USP32: variants seen among roughly 807,000 people sequenced by gnomAD.
The protein encoded by USP32 is ubiquitin carboxyl-terminal hydrolase 32.
In USP32, 59 loss-of-function variants were observed where a neutral mutation model predicts 204.8. That is an observed-to-expected ratio of 0.29 (90% CI 0.23 to 0.36). The LOEUF (loss-of-function observed/expected upper bound fraction) is 0.36. USP32 is among the 10% of genes least tolerant of loss of function. The probability of loss-of-function intolerance (pLI) is 1.00; values close to 1 mark genes in which losing one functional copy is unlikely to be tolerated. For missense variants in USP32, 1,160 were observed against 1,946.4 expected (o/e 0.60, Z 7.60); for synonymous variants, 517 against 678.4 (o/e 0.76, Z 3.70).
chr17:60,207,269 A>T (rs1431924602), intron 24 of USP32, 137 bp from the exon 25 acceptor site: 14 of 1,377,960 alleles, frequency 1.0e-5, no homozygotes, highest in South Asian at 4.6e-5. Context: ...TAATTTTTCA[A>T]CTACATAAAG....
intron 13 of USP32, among the ~76,000 whole-genome samples, chr17:60,225,207 C>T (rs150750020): frequency 1.1e-4 from 17 of 152,266 alleles, no homozygotes; most frequent in African/African-American, 3.6e-4. Flanking sequence ...AATCCCAGCA[C>T]TTTGAGAGGC....
At chr17:60,378,765 C>T (rs2089596536) in intron 1 of USP32, among the ~76,000 whole-genome samples, 1 of 151,682 alleles carries the variant, frequency 6.6e-6, no homozygotes, top group African/African-American at 2.4e-5. Flanking sequence ...ATAGAGGTTA[C>T]CAGGGGCTGG....
intron 12 of USP32, 59 bp from the exon 13 acceptor site, chr17:60,226,290 C>T: frequency 7.1e-7 from 1 of 1,400,356 alleles, no homozygotes; most frequent in Non-Finnish European, 9.5e-7. Flanking sequence ...ACTATGTAGT[C>T]TTCAGAAACA....
rs560137771 is a variant in USP32 at position 60,227,912 on chromosome 17, T to A, written c.1240-1681A>T. The stretch of plus-strand genomic sequence containing the variant: ...TGTAAGTTAACTGTATGGCATTACA[T>A]GAGAAAAATGGTGACCATAGTTTAA... On this transcript the variant is annotated intron_variant, in intron 12 of 33. Coordinates refer to ENST00000300896, the MANE Select transcript of USP32 (RefSeq NM_032582.4). Among the ~76,000 whole-genome samples, 3 of 152,228 alleles carry A rather than the reference T, an allele frequency of 2.0e-5. No individual in the cohort carries two copies. The East Asian group carries it at 5.8e-4, about 29-fold the overall frequency.
At position 60,406,812 on chromosome 17, in the gene USP32, CCTTT is replaced by C. The variant is rs199628321; in HGVS notation, c.106+15430_106+15433del. ...TACAGACATGAGCCACTGCGCCTGG[CCTTT>C]CTTTCTTTCTTTCTTTCTTTTTTCA... is the stretch of plus-strand genomic sequence containing the variant. On this transcript the variant is annotated intron_variant, in intron 1 of 3. Transcript: ENST00000588898. 7.8e-4 allele frequency among the ~76,000 whole-genome samples: 119 copies of C among 152,038 alleles called. 1 individual carries two copies. Among genetic ancestry groups the C allele is most frequent in the African/African-American group, 1.6e-3 (67 of 41,370 alleles).
rs1353879937 is a variant in USP32, at chr17:60,190,653, C to T, written c.3552G>A (p.Gly1184=). The change falls in exon 29 of 34, where the codon GGG becomes GGA. Residue 1184 remains glycine (G), a synonymous_variant. Coordinates refer to ENST00000300896, the MANE Select transcript of USP32 (RefSeq NM_032582.4). The part of the protein sequence containing the change: ...RFCRGCKIDC[G]EDRAFIGNAY... The stretch of plus-strand genomic sequence containing the variant: ...CATTTCCAATGAAAGCTCTGTCTTC[C>T]CCACAATCAATTTTACAGCCTCTGC... 1.2e-6 allele frequency: 2 copies of T among 1,603,220 alleles called. No homozygotes were observed. The highest frequency in any genetic ancestry group is 8.5e-7 in the Non-Finnish European group (1 of 1,177,016).
chr17:60,248,905 A>C (rs1053478327), intron 11 of USP32, among the ~76,000 whole-genome samples: 1 of 152,016 alleles, frequency 6.6e-6, no homozygotes, highest in African/African-American at 2.4e-5. Flanking sequence ...CTTGTTGAAA[A>C]CTGAACACAT....
Position 60,388,195 on chromosome 17 carries a change from C to T in USP32, c.58+3687G>A, listed in dbSNP as rs143830692. Among the ~76,000 whole-genome samples the T allele has an allele frequency of 1.4e-3, 216 of 151,568 alleles. 1 individual carries two copies. Among genetic ancestry groups the T allele is most frequent in the African/African-American group, 4.9e-3 (202 of 41,288 alleles). On this transcript the variant is annotated intron_variant, in intron 1 of 33. Transcript: ENST00000300896. The stretch of plus-strand genomic sequence containing the variant: ...TCAGCTACTAAGAGCAATATAAATG[C>T]CAGATTTTAAAGAAAGGGATTAGAA...
At chr17:60,297,545 T>TCCACCTCCACCTCCACC (rs1465550334) in intron 3 of USP32, among the ~76,000 whole-genome samples, 3 of 151,926 alleles carry the variant, frequency 2.0e-5, no homozygotes, top group African/African-American at 7.3e-5. Context: ...ACCTCCTGGA[T>TCCACCTCCACCTCCACC]TCAAGCAATT....
At chr17:60,367,125 C>G (rs1419935569) in intron 1 of USP32, among the ~76,000 whole-genome samples, 1 of 152,194 alleles carries the variant, frequency 6.6e-6, no homozygotes, top group Non-Finnish European at 1.5e-5. Context: ...CCGCGCCTAG[C>G]CTAAGCCCAC....
chr17:60,371,088 T>A (rs908379102), intron 1 of USP32, among the ~76,000 whole-genome samples: 11 of 148,258 alleles, frequency 7.4e-5, no homozygotes, highest in African/African-American at 1.3e-4. Context: ...AATAATAAAT[T>A]AATTAATTAA....
At chr17:60,271,309 G>C (rs898443307) in intron 6 of USP32, 41 bp downstream of exon 6, 1 of 1,607,592 alleles carries the variant, frequency 6.2e-7, no homozygotes, top group Non-Finnish European at 8.5e-7. Context: ...GCTCAGGTAT[G>C]TTTACCAGTG....
chr17:60,345,626 A>T lies in USP32; in HGVS notation c.59-18T>A, dbSNP rs1345257953. 6.2e-7 allele frequency: 1 copy of T among 1,613,768 alleles called. No homozygotes were observed. The highest frequency in any genetic ancestry group is 8.5e-7 in the Non-Finnish European group (1 of 1,179,804). On this transcript the variant is annotated intron_variant, in intron 1 of 33. Transcript: ENST00000300896. Reference sequence around the variant, plus strand: ...ATCTGTAACTGCAATTCAGAAACAGAAGATGGGTAAGAAATCAGGAGAGAA... The same window carrying T: ...ATCTGTAACTGCAATTCAGAAACAGTAGATGGGTAAGAAATCAGGAGAGAA...
chr17:60,337,226 A>G (rs2088544849), intron 2 of USP32, among the ~76,000 whole-genome samples: 1 of 152,248 alleles, frequency 6.6e-6, no homozygotes, highest in Non-Finnish European at 1.5e-5. Flanking sequence ...ACTTCAGCAT[A>G]AATTCACCAG....
At chr17:60,313,143 C>T (rs940548322) in intron 2 of USP32, among the ~76,000 whole-genome samples, 10 of 147,026 alleles carry the variant, frequency 6.8e-5, no homozygotes, top group Admixed American at 6.6e-5. Context: ...CCCAGCTACT[C>T]GGGAGGCTGA....
At chr17:60,302,239 A>G (rs1397049105) in intron 2 of USP32, among the ~76,000 whole-genome samples, 1 of 151,882 alleles carries the variant, frequency 6.6e-6, no homozygotes, top group Non-Finnish European at 1.5e-5. Context: ...AGTTCAAGCA[A>G]TTCTCCTGCC....
intron 12 of USP32, among the ~76,000 whole-genome samples, chr17:60,232,987 T>C (rs1228068852): frequency 6.6e-6 from 1 of 152,230 alleles, no homozygotes; most frequent in Non-Finnish European, 1.5e-5. Context: ...CTCACATCCC[T>C]ACTTAAATAG....
At chr17:60,198,171 G>A (rs2084572159) in intron 27 of USP32, 89 bp downstream of exon 27, 6 of 1,505,292 alleles carry the variant, frequency 4.0e-6, no homozygotes, top group Non-Finnish European at 5.4e-6. Flanking sequence ...ACTTGACATA[G>A]GCTGGGTCCT....
intron 1 of USP32, among the ~76,000 whole-genome samples, chr17:60,357,976 T>G (rs576889783): frequency 1.1e-4 from 16 of 151,948 alleles, no homozygotes; most frequent in African/African-American, 3.9e-4. Flanking sequence ...ACCATGTTGG[T>G]CAGGCTGGTC....
Sources: gnomAD v4.1 joint callset for allele counts (sites outside exome capture counted in the v4.1 genomes callset) on GRCh38, gnomAD v4.1.1 for gene constraint, MANE v1.5 for transcripts, NCBI Gene and HGNC (gene_info 2026-07-23, HGNC 2026-07-21) for gene names.